Variants in SLC41A2 observed in about 807,000 individuals in gnomAD.
SLC41A2 encodes SLC41A1-like 1.
In SLC41A2, 32 loss-of-function variants were observed where a neutral mutation model predicts 58.3. The ratio of observed to expected loss-of-function variants is 0.55; its 90% confidence interval spans 0.41 to 0.74. SLC41A2 has a LOEUF of 0.74. Ranked by LOEUF, SLC41A2 falls within the 30% of genes least tolerant of loss-of-function variation. The pLI is 0.00. For missense variants in SLC41A2, 514 were observed against 680.6 expected (o/e 0.76, Z 2.72); for synonymous variants, 190 against 235.0 (o/e 0.81, Z 1.75).
At chr12:104,892,431 C>T (rs966486726) in intron 4 of SLC41A2, among the ~76,000 whole-genome samples, 14 of 151,740 alleles carry the variant, frequency 9.2e-5, no homozygotes, top group African/African-American at 3.1e-4. Flanking sequence ...GTCCATATAA[C>T]CCAAAGCAAT....
rs751574472 is a variant in SLC41A2 at position 104,844,586 on chromosome 12, A to C, written c.1422T>G (p.Leu474=). The change falls in exon 10 of 11, where the codon CTT becomes CTG. Residue 474 remains leucine (L), a synonymous_variant. Transcript: ENST00000258538. ...AAATTAAATGTCCAGGAATCACTAA[A>C]AGCAGTAGAACTTGAGCAGACTTAT... ...VNNKSAQVLL[L]LVIPGHLIFL... is the part of the protein sequence containing the mutation. 4.5e-6 allele frequency: 7 copies of C among 1,563,210 alleles called. No homozygotes were observed. The highest frequency in any genetic ancestry group is 1.7e-4 in the Middle Eastern group (1 of 5,830).
intron 4 of SLC41A2, among the ~76,000 whole-genome samples, chr12:104,894,179 C>T (rs1262019940): frequency 6.6e-6 from 1 of 151,808 alleles, no homozygotes; most frequent in Non-Finnish European, 1.5e-5. Context: ...CATGGCGAAA[C>T]CCCGTCTCTA....
chr12:104,857,927 C>A (rs1353800981), intron 8 of SLC41A2, among the ~76,000 whole-genome samples: 1 of 151,664 alleles, frequency 6.6e-6, no homozygotes, highest in Non-Finnish European at 1.5e-5. Flanking sequence ...GTGCAGCACA[C>A]CAATATGGCG....
intron 10 of SLC41A2, among the ~76,000 whole-genome samples, chr12:104,839,673 T>A (rs1290391280): frequency 6.6e-6 from 1 of 151,952 alleles, no homozygotes; most frequent in East Asian, 1.9e-4. Context: ...CCTGCTAATT[T>A]TTTGTATTTT....
chr12:104,918,523 CA>C (rs2046433714), intron 2 of SLC41A2, among the ~76,000 whole-genome samples: 1 of 143,802 alleles, frequency 7.0e-6, no homozygotes, highest in South Asian at 2.2e-4. Flanking sequence ...TTAAGAAGAT[CA>C]AAGTGAAGAG....
intron 10 of SLC41A2, among the ~76,000 whole-genome samples, chr12:104,841,552 G>A (rs1274458716): frequency 6.6e-6 from 1 of 151,980 alleles, no homozygotes; most frequent in Non-Finnish European, 1.5e-5. Flanking sequence ...AGATAATGTC[G>A]ATATAATATG....
At chr12:104,907,277 A>G (rs1178960238) in intron 3 of SLC41A2, among the ~76,000 whole-genome samples, 1 of 145,782 alleles carries the variant, frequency 6.9e-6, no homozygotes, top group African/African-American at 2.6e-5. Flanking sequence ...GATTCATTGT[A>G]TACTTTTCTG....
At chr12:104,832,306 A>G in intron 10 of SLC41A2, among the ~76,000 whole-genome samples, 1 of 152,192 alleles carries the variant, frequency 6.6e-6, no homozygotes, top group Non-Finnish European at 1.5e-5. Flanking sequence ...TGTAGGAATT[A>G]GTTTCTTTAA....
intron 2 of SLC41A2, among the ~76,000 whole-genome samples, chr12:104,926,171 C>T (rs2046828415): frequency 6.6e-6 from 1 of 152,132 alleles, no homozygotes; most frequent in Admixed American, 6.5e-5. Context: ...GATAATATAT[C>T]TAATAGTTTC....
chr12:104,888,063 G>A (rs948455778), intron 5 of SLC41A2, among the ~76,000 whole-genome samples: 6 of 151,836 alleles, frequency 4.0e-5, no homozygotes, highest in Admixed American at 3.9e-4. Context: ...AAGCAAATGA[G>A]CCTAAAAAAA....
intron 6 of SLC41A2, among the ~76,000 whole-genome samples, chr12:104,884,324 C>T (rs1350480443): frequency 2.6e-5 from 4 of 152,158 alleles, no homozygotes; most frequent in Admixed American, 6.5e-5. Flanking sequence ...CACCCTGCTT[C>T]GGCTCACACA....
intron 6 of SLC41A2, among the ~76,000 whole-genome samples, chr12:104,881,447 G>C (rs941415039): frequency 1.3e-5 from 2 of 152,026 alleles, no homozygotes; most frequent in African/African-American, 4.8e-5. Context: ...TTCTCCTGTG[G>C]GCATTTAGTA....
intron 1 of SLC41A2, among the ~76,000 whole-genome samples, chr12:104,931,024 T>C (rs1410364409): frequency 6.6e-6 from 1 of 152,142 alleles, no homozygotes; most frequent in East Asian, 1.9e-4. Context: ...ACAGAGACCA[T>C]CCAAATGTGT....
chr12:104,938,539 A>G (rs2047373496), intron 1 of SLC41A2, among the ~76,000 whole-genome samples: 2 of 152,186 alleles, frequency 1.3e-5, no homozygotes, highest in African/African-American at 4.8e-5. Context: ...ACACTTACAA[A>G]CAGAAACAAT....
intron 2 of SLC41A2, among the ~76,000 whole-genome samples, chr12:104,923,999 C>T (rs2046724805): frequency 6.6e-6 from 1 of 152,190 alleles, no homozygotes; most frequent in Non-Finnish European, 1.5e-5. Context: ...AAATTAAGAA[C>T]TTCTGCCACA....
chr12:104,920,100 C>T (rs771160449), intron 2 of SLC41A2, among the ~76,000 whole-genome samples: 13 of 152,188 alleles, frequency 8.5e-5, no homozygotes, highest in Non-Finnish European at 2.9e-5. Flanking sequence ...TGCTTTGGCA[C>T]CTCTGTCAAA....
chr12:104,817,654 C>T (rs1027615168), intron 10 of SLC41A2, among the ~76,000 whole-genome samples: 1 of 150,338 alleles, frequency 6.7e-6, no homozygotes, highest in African/African-American at 2.5e-5. Flanking sequence ...GTAGTAAGTA[C>T]ACAAACCAGT....
intron 6 of SLC41A2, among the ~76,000 whole-genome samples, chr12:104,870,808 T>C (rs1470490086): frequency 6.6e-6 from 1 of 152,236 alleles, no homozygotes; most frequent in African/African-American, 2.4e-5. Flanking sequence ...ACAATTTTTA[T>C]GTATTAGCTG....
At chr12:104,946,848 T>C (rs1347099359) in intron 1 of SLC41A2, among the ~76,000 whole-genome samples, 2 of 152,226 alleles carry the variant, frequency 1.3e-5, no homozygotes, top group Admixed American at 1.3e-4. Flanking sequence ...CTAATGATAA[T>C]GAGAGCAGTT....
Sources: allele counts gnomAD v4.1 joint callset (sites outside exome capture counted in the v4.1 genomes callset), GRCh38; gene constraint gnomAD v4.1.1; transcripts MANE v1.5; gene names NCBI Gene and HGNC (gene_info 2026-07-23, HGNC 2026-07-21).